USP46: variants seen among roughly 807,000 people sequenced by gnomAD.
USP46 encodes the protein ubiquitin carboxyl-terminal hydrolase 46.
Under a neutral mutation model 44.4 loss-of-function variants are expected in USP46, and 12 were observed. The ratio of observed to expected loss-of-function variants is 0.27; its 90% CI spans 0.17 to 0.44. The LOEUF (loss-of-function observed/expected upper bound fraction) is 0.44. Among genes scored for constraint, USP46 ranks in the 20% least tolerant of loss-of-function variants. The probability of loss-of-function intolerance (pLI) is 1.00; values close to 1 mark genes in which losing one functional copy is unlikely to be tolerated. For synonymous variants in USP46, 155 were observed against 161.5 expected (o/e 0.96, Z 0.31); for missense variants, 248 against 444.8 (o/e 0.56, Z 3.98).
At chr4:52,649,841 T>C (rs1411799431) in intron 1 of USP46, among the ~76,000 whole-genome samples, 3 of 152,220 alleles carry the variant, frequency 2.0e-5, no homozygotes, top group African/African-American at 4.8e-5. Context: ...CAGTCTAACA[T>C]GGTGGTTTAT....
Position 52,659,106 on chromosome 4 carries a change from G to A in USP46, c.36+9C>T. The A allele has an allele frequency of 6.4e-7, 1 of 1,559,428 alleles. No individual in the cohort carries two copies. Among genetic ancestry groups the A allele is most frequent in the Non-Finnish European group, 8.7e-7 (1 of 1,154,734 alleles). On this transcript the variant is annotated intron_variant, in intron 1 of 8. Coordinates refer to ENST00000441222, the MANE Select transcript of USP46 (RefSeq NM_022832.4). The surrounding 1 kb of genome is among the most constrained non-coding windows in gnomAD (Gnocchi z 4.2). ...TCGGGCGCGACCCCGAGGCGGCTCG[G>A]CCACTCACCATATTACAGATGGAGG...
At chr4:52,640,446 T>C (rs1718290681) in intron 1 of USP46, among the ~76,000 whole-genome samples, 1 of 151,962 alleles carries the variant, frequency 6.6e-6, no homozygotes, top group South Asian at 2.1e-4. Context: ...GAAGAGGAGG[T>C]CAAGAAGTGG....
At chr4:52,618,714 G>A (rs1577672227) in intron 4 of USP46, among the ~76,000 whole-genome samples, 2 of 152,080 alleles carry the variant, frequency 1.3e-5, no homozygotes, top group African/African-American at 4.8e-5. Flanking sequence ...CCCAATGGTG[G>A]GCTTTGGAAA....
intron 1 of USP46, among the ~76,000 whole-genome samples, chr4:52,653,422 T>C (rs1329906812): frequency 2.7e-5 from 4 of 149,906 alleles, no homozygotes; most frequent in East Asian, 3.9e-4. Context: ...GGAGAATCAC[T>C]TGAATCCAGG....
chr4:52,612,411 G>T (rs763075028), intron 4 of USP46, among the ~76,000 whole-genome samples: 12 of 152,068 alleles, frequency 7.9e-5, no homozygotes, highest in Non-Finnish European at 1.5e-4. Context: ...TTTGTCATAT[G>T]GCTTCACAGA....
In USP46 at chr4:52,591,041, C is replaced by G. The variant is rs1715989329; in HGVS notation, c.*6599G>C. 1 of 152,038 alleles carries G rather than the reference C, an allele frequency of 6.6e-6. No individual in the cohort carries two copies. Among genetic ancestry groups the G allele is most frequent in the Non-Finnish European group, 1.5e-5 (1 of 68,024 alleles). 9.4% of individuals were successfully genotyped at this position (152,038 alleles called of 1,614,324 possible). On this transcript the variant is annotated 3_prime_UTR_variant, in exon 9 of 9. Transcript: ENST00000441222. ...ATCTTCTTCACACAAGTTTTATAAC[C>G]CATTAAAACAGTATCTTTCTAATCC...
At position 52,591,860 on chromosome 4, in the gene USP46, T is replaced by G. The variant is rs971502767; in HGVS notation, c.*5780A>C. On this transcript the variant is annotated 3_prime_UTR_variant, in exon 9 of 9. Transcript: ENST00000441222. The stretch of plus-strand genomic sequence containing the variant: ...AGATTGTTTAGAAATAACAGATATT[T>G]GATTCATAAAGCTCACTGTTGAGGC... 1 of 152,224 alleles carries G rather than the reference T, an allele frequency of 6.6e-6. No homozygotes were observed. The highest frequency in any genetic ancestry group is 2.1e-4 in the South Asian group (1 of 4,834). The allele number at this position is 152,224 out of a possible 1,614,324, so 9.4% of individuals were successfully genotyped here.
intron 7 of USP46, among the ~76,000 whole-genome samples, chr4:52,601,654 T>C (rs1052654215): frequency 6.6e-6 from 1 of 152,218 alleles, no homozygotes; most frequent in Non-Finnish European, 1.5e-5. Flanking sequence ...TGATAGAACA[T>C]TTAGATTATC....
intron 6 of USP46, among the ~76,000 whole-genome samples, chr4:52,602,843 T>C (rs1254748544): frequency 1.3e-5 from 2 of 148,864 alleles, no homozygotes; most frequent in African/African-American, 2.6e-5. Flanking sequence ...CCCAAACTTA[T>C]ATAAACATAG....
At chr4:52,611,613 G>A (rs1468318216) in intron 4 of USP46, among the ~76,000 whole-genome samples, 10 of 152,162 alleles carry the variant, frequency 6.6e-5, no homozygotes, top group Non-Finnish European at 1.0e-4. Flanking sequence ...GGGGCCAGGC[G>A]TGGTGGCTCA....
chr4:52,620,510 G>A (rs967710831), intron 4 of USP46, among the ~76,000 whole-genome samples: 1 of 152,128 alleles, frequency 6.6e-6, no homozygotes, highest in Non-Finnish European at 1.5e-5. Flanking sequence ...GGCTCTCACT[G>A]TACGCTCAGT....
At chr4:52,604,003 T>A (rs899345735) in intron 6 of USP46, among the ~76,000 whole-genome samples, 4 of 152,176 alleles carry the variant, frequency 2.6e-5, no homozygotes, top group African/African-American at 9.7e-5. Flanking sequence ...CCTATTCTTA[T>A]AACTGATGTG....
At chr4:52,637,998 A>C (rs1237975903) in intron 1 of USP46, among the ~76,000 whole-genome samples, 3 of 152,182 alleles carry the variant, frequency 2.0e-5, no homozygotes, top group Non-Finnish European at 4.4e-5. Context: ...TGGCACCCCT[A>C]GGTTAAGTCA....
At chr4:52,599,413 G>C (rs1716370429) in intron 7 of USP46, among the ~76,000 whole-genome samples, 1 of 152,120 alleles carries the variant, frequency 6.6e-6, no homozygotes, top group African/African-American at 2.4e-5. Context: ...CAGAGCAGCA[G>C]AGTGAGCGAG....
At position 52,632,968 on chromosome 4, in the gene USP46, GAA is replaced by G. The variant is rs746313855; in HGVS notation, c.37-1826_37-1825del. On this transcript the variant is annotated intron_variant, in intron 1 of 8. Transcript: ENST00000441222. ...AGAAAGAAAGAAAGAAAGAAAGAAA[GAA>G]AGAAAGAAAGAAAGAAAAGAAAAGA... Among the ~76,000 whole-genome samples the G allele has an allele frequency of 4.1e-4, 31 of 74,832 alleles. 3 individuals are homozygous for G. Among genetic ancestry groups the G allele is most frequent in the African/African-American group, 1.6e-3 (25 of 15,322 alleles). The allele number at this position is 74,832 out of a possible 152,430, so 49.1% of individuals were successfully genotyped here. A position where few individuals can be genotyped will look rare whatever the true frequency, so the allele number is the denominator to read the frequency against.
intron 4 of USP46, among the ~76,000 whole-genome samples, chr4:52,622,786 G>A (rs557376010): frequency 2.6e-5 from 4 of 152,328 alleles, no homozygotes; most frequent in African/African-American, 9.6e-5. Context: ...AGAGGATTTA[G>A]TCAAGCAACA....
At chr4:52,622,521 TATTA>T (rs1439923831) in intron 4 of USP46, among the ~76,000 whole-genome samples, 2 of 152,170 alleles carry the variant, frequency 1.3e-5, no homozygotes, top group Admixed American at 6.5e-5. Flanking sequence ...CTCAACTATT[TATTA>T]ATTATTATAT....
At chr4:52,600,075 T>A (rs73248659) in intron 7 of USP46, among the ~76,000 whole-genome samples, 215 of 152,316 alleles carry the variant, frequency 1.4e-3, no homozygotes, top group Non-Finnish European at 2.7e-3. Flanking sequence ...ATCAAAATCA[T>A]AAATTATCTG....
rs530507017 is a variant in USP46 at position 52,656,317 on chromosome 4, G to A, written c.36+2798C>T. On this transcript the variant is annotated intron_variant, in intron 1 of 8. Transcript: ENST00000441222. ...CTACCTGAAAACAATTCATTATTGA[G>A]CAAAGAATCTAAAGAGAGGTCCAGT... 6.4e-6 allele frequency: 10 copies of A among 1,550,826 alleles called. No individual in the cohort carries two copies. In the Admixed American group the frequency reaches 1.2e-4, roughly 18 times the overall value.
Sources: gnomAD v4.1 joint callset for allele counts (sites outside exome capture counted in the v4.1 genomes callset) on GRCh38, gnomAD v4.1.1 for gene constraint, Gnocchi (gnomAD v3.1) non-coding constraint, MANE v1.5 for transcripts, NCBI Gene and HGNC (gene_info 2026-07-23, HGNC 2026-07-21) for gene names.